Variants in HECTD4 observed in about 807,000 individuals in gnomAD.
The protein encoded by HECTD4 is HECT domain E3 ubiquitin protein ligase 4.
Under a neutral mutation model 471.5 loss-of-function variants are expected in HECTD4, and 114 were observed. That is an observed-to-expected ratio of 0.24 (90% CI 0.21 to 0.28). The LOEUF is 0.28. Among genes scored for constraint, HECTD4 ranks in the 10% least tolerant of loss-of-function variants. HECTD4 has a pLI of 1.00. For synonymous variants in HECTD4, 2,012 were observed against 2,256.0 expected (o/e 0.89, Z 3.07); for missense variants, 3,866 against 5,651.5 (o/e 0.68, Z 10.13).
intron 38 of HECTD4, among the ~76,000 whole-genome samples, chr12:112,232,787 A>G (rs2135568627): frequency 6.6e-6 from 1 of 152,332 alleles, no homozygotes; most frequent in Non-Finnish European, 1.5e-5. Flanking sequence ...CTAAGAAAAA[A>G]TTTCTAGGTC....
At chr12:112,208,893 CTTT>C (rs756330403) in intron 50 of HECTD4, among the ~76,000 whole-genome samples, 304 of 72,398 alleles carry the variant, frequency 4.2e-3, no homozygotes, top group African/African-American at 0.016. Flanking sequence ...ACTAAACAGG[CTTT>C]TTTTTTTTTT....
intron 1 of HECTD4, among the ~76,000 whole-genome samples, chr12:112,338,666 G>A (rs979785568): frequency 3.3e-5 from 5 of 152,064 alleles, no homozygotes; most frequent in African/African-American, 7.2e-5. Flanking sequence ...CCTGAGACTC[G>A]GTAATTTATA....
rs1220295856 is a variant in HECTD4 at position 112,184,150 on chromosome 12, C to T, written c.10779+37G>A. 2 of 1,528,344 alleles carry T rather than the reference C, an allele frequency of 1.3e-6. No homozygotes were observed. The highest frequency in any genetic ancestry group is 8.9e-7 in the Non-Finnish European group (1 of 1,118,454). 94.7% of individuals were successfully genotyped at this position (1,528,344 alleles called of 1,614,324 possible). ...AGAGGCTTGGGGGATTGAAATGGGTCATGATTTAGTGGTTGCAGAGGCTTG... is the reference window on the plus strand; with the variant it reads ...AGAGGCTTGGGGGATTGAAATGGGTTATGATTTAGTGGTTGCAGAGGCTTG... On this transcript the variant is annotated intron_variant, in intron 61 of 75. Coordinates refer to ENST00000682272, the MANE Select transcript of HECTD4 (RefSeq NM_001388303.1). This position sits in a 1 kb window ranked among gnomAD's most constrained non-coding sequence, Gnocchi z 9.1.
At chr12:112,226,420 C>A in intron 44 of HECTD4, 1 of 411,822 alleles carries the variant, frequency 2.4e-6, no homozygotes, top group East Asian at 3.5e-5. Flanking sequence ...TGACATGGTC[C>A]TAAAGTTAAT....
chr12:112,207,995 G>A lies in HECTD4; in HGVS notation c.8010C>T (p.Asp2670=). ...ATGCTTTCACCAGCAGGGCGTAGTG[G>A]TCCTCCTGGAAGCAGAAGGAACCTC... is the stretch of plus-strand genomic sequence containing the variant. ...DDDDDDIPQE[D]HYALLVKAWE... Residue 2670 remains aspartate, a synonymous_variant, in exon 52 of 76, where the codon GAC becomes GAT. Coordinates refer to ENST00000682272, the MANE Select transcript of HECTD4 (RefSeq NM_001388303.1). The A allele has an allele frequency of 1.2e-6, 2 of 1,612,998 alleles. No homozygotes were observed. The highest frequency in any genetic ancestry group is 1.3e-5 in the African/African-American group (1 of 74,986).
chr12:112,234,795 A>C (rs1465492289), intron 37 of HECTD4, among the ~76,000 whole-genome samples: 1 of 152,202 alleles, frequency 6.6e-6, no homozygotes, highest in Non-Finnish European at 1.5e-5. Flanking sequence ...CATAGACAAT[A>C]ATACATCGTC....
chr12:112,187,914 C>T (rs1566065731), intron 60 of HECTD4, among the ~76,000 whole-genome samples: 2 of 152,168 alleles, frequency 1.3e-5, no homozygotes, highest in Non-Finnish European at 2.9e-5. Flanking sequence ...GCATGAGCCA[C>T]TGTGCCCAGC....
intron 1 of HECTD4, among the ~76,000 whole-genome samples, chr12:112,329,667 C>T (rs2035809858): frequency 6.6e-6 from 1 of 152,054 alleles, no homozygotes; most frequent in South Asian, 2.1e-4. Flanking sequence ...CACACTTGGC[C>T]TATTGATTTG....
chr12:112,211,214 G>A (rs1210174390), intron 49 of HECTD4, among the ~76,000 whole-genome samples: 1 of 152,116 alleles, frequency 6.6e-6, no homozygotes, highest in Non-Finnish European at 1.5e-5. Context: ...GCCCAGTGTG[G>A]TGGTACACAT....
At chr12:112,255,529 G>T (rs2033988869) in intron 21 of HECTD4, among the ~76,000 whole-genome samples, 1 of 152,104 alleles carries the variant, frequency 6.6e-6, no homozygotes, top group Admixed American at 6.6e-5. Context: ...TCCCCGGATA[G>T]AATTTTTTTA....
intron 38 of HECTD4, among the ~76,000 whole-genome samples, chr12:112,232,076 G>A (rs1167537048): frequency 6.6e-6 from 1 of 152,078 alleles, no homozygotes; most frequent in East Asian, 1.9e-4. Flanking sequence ...TTCATTATAT[G>A]ACTGTAATAA....
At chr12:112,187,814 GACAC>G (rs2031931085) in intron 60 of HECTD4, among the ~76,000 whole-genome samples, 10 of 149,010 alleles carry the variant, frequency 6.7e-5, no homozygotes, top group South Asian at 4.3e-4. Flanking sequence ...TTTTAGTAGA[GACAC>G]GGTTTCACTG....
intron 1 of HECTD4, among the ~76,000 whole-genome samples, chr12:112,378,278 A>G (rs1456451254): frequency 6.6e-6 from 1 of 151,874 alleles, no homozygotes; most frequent in African/African-American, 2.4e-5. Context: ...GAGTGCAGTG[A>G]CGCGATCTCA....
intron 4 of HECTD4, among the ~76,000 whole-genome samples, chr12:112,311,544 A>C (rs1261885375): frequency 6.7e-6 from 1 of 149,942 alleles, no homozygotes; most frequent in Admixed American, 6.7e-5. Flanking sequence ...GGACTGCTTG[A>C]GCCTGGGAGG....
chr12:112,239,047 C>A lies in HECTD4; in HGVS notation c.5290+5G>T. The stretch of plus-strand genomic sequence containing the variant: ...TGAGCTCTAGAAAGGAGTCTGGCAT[C>A]TCACCTTCCTCTTTTTCCCACTCAA... On this transcript the variant is annotated splice_donor_5th_base_variant and intron_variant, in intron 34 of 75. Transcript: ENST00000682272. The surrounding 1 kb of genome is among the most constrained non-coding windows in gnomAD (Gnocchi z 4.9). 6.2e-7 allele frequency: 1 copy of A among 1,607,410 alleles called. No homozygotes were observed.
chr12:112,163,548 G>A lies in HECTD4; in HGVS notation c.12891C>T (p.Phe4297=), dbSNP rs1035473318. Residue 4297 remains phenylalanine (F), a synonymous_variant, in exon 74 of 76, where the codon TTC becomes TTT. Transcript: ENST00000682272. This position sits in a 1 kb window ranked among gnomAD's most constrained non-coding sequence, Gnocchi z 8.2. ...TCGLPYINLE[F]LKAHTMYQVG... ...CTGGCCCTGGGATGTCTACCTTGAG[G>A]AACTCGAGGTTGATGTAGGGGAGGC... is the stretch of plus-strand genomic sequence containing the variant. 1.9e-5 allele frequency: 28 copies of A among 1,468,168 alleles called. No individual in the cohort carries two copies. The highest frequency in any genetic ancestry group is 2.4e-5 in the Non-Finnish European group (27 of 1,107,080). The allele number at this position is 1,468,168 out of a possible 1,614,324, so 90.9% of individuals were successfully genotyped here.
intron 1 of HECTD4, among the ~76,000 whole-genome samples, chr12:112,357,900 T>C (rs1420276092): frequency 2.0e-5 from 3 of 152,216 alleles, no homozygotes; most frequent in African/African-American, 7.2e-5. Context: ...CTCCATGTTC[T>C]CATATCTAAA....
chr12:112,183,802 C>T (rs544802678), intron 61 of HECTD4, among the ~76,000 whole-genome samples: 3 of 152,362 alleles, frequency 2.0e-5, no homozygotes, highest in African/African-American at 7.2e-5. Flanking sequence ...AACTCAGAAT[C>T]ACCTGGGACA....
rs943783772 is a variant in HECTD4, at chr12:112,185,499, G to A, written c.9473-6C>T. On this transcript the variant is annotated splice_region_variant and splice_polypyrimidine_tract_variant and intron_variant, in intron 60 of 75. Coordinates refer to ENST00000682272, the MANE Select transcript of HECTD4 (RefSeq NM_001388303.1). ...CGTGGTCCACAAGAAGTTTCCTGAGGCAAATGAAAATAGTAACAGTAATTA... is the reference window on the plus strand; with the variant it reads ...CGTGGTCCACAAGAAGTTTCCTGAGACAAATGAAAATAGTAACAGTAATTA... 4 of 1,533,998 alleles carry A rather than the reference G, an allele frequency of 2.6e-6. No homozygotes were observed. The African/African-American group carries it at 5.5e-5, about 21-fold the overall frequency.
Sources: gnomAD v4.1 joint callset for allele counts (sites outside exome capture counted in the v4.1 genomes callset) on GRCh38, gnomAD v4.1.1 for gene constraint, Gnocchi (gnomAD v3.1) non-coding constraint, MANE v1.5 for transcripts, NCBI Gene and HGNC (gene_info 2026-07-23, HGNC 2026-07-21) for gene names.